The following SLCO1B3 variants were observed in gnomAD, a reference collection of about 807,000 sequenced individuals.
SLCO1B3 encodes the protein solute carrier organic anion transporter family member 1B3, also known as liver-specific organic anion transporter 2.
A neutral mutation model predicts 71.8 loss-of-function variants in SLCO1B3; 72 were observed. The observed-to-expected ratio is 1.00, with a 90% CI of 0.83 to 1.22. The LOEUF (loss-of-function observed/expected upper bound fraction) is 1.22. Ranked by LOEUF, SLCO1B3 falls within the 50% of genes most tolerant of loss-of-function variation. The probability of loss-of-function intolerance (pLI) is 0.00; values close to 1 mark genes in which losing one functional copy is unlikely to be tolerated. For synonymous variants in SLCO1B3, 298 were observed against 278.4 expected (o/e 1.07, Z -0.70); for missense variants, 911 against 819.7 (o/e 1.11, Z -1.36).
chr12:20,899,834 C>T (rs936969484), intron 14 of SLCO1B3, among the ~76,000 whole-genome samples: 1 of 152,112 alleles, frequency 6.6e-6, no homozygotes, highest in African/African-American at 2.4e-5. Flanking sequence ...TGTGAACATC[C>T]AATTTTGTTA....
Position 20,823,011 on chromosome 12 carries a change from A to G in SLCO1B3, c.84+7189A>G, listed in dbSNP as rs558005459. Among the ~76,000 whole-genome samples, 17 of 152,254 alleles carry G rather than the reference A, an allele frequency of 1.1e-4. No individual in the cohort carries two copies. The South Asian group carries it at 3.5e-3, about 32-fold the overall frequency. ...TGTGATGTTTTATTCCTAGACCAAT[A>G]GATCCCACGTTATTAGGAATGCTCA... is the stretch of plus-strand genomic sequence containing the variant. On this transcript the variant is annotated intron_variant, in intron 3 of 15. Transcript: ENST00000381545.
At chr12:20,884,269 A>G (rs927790719) in intron 13 of SLCO1B3, among the ~76,000 whole-genome samples, 3 of 152,194 alleles carry the variant, frequency 2.0e-5, no homozygotes, top group Non-Finnish European at 4.4e-5. Context: ...AAATAAACAC[A>G]TAATTACAAA....
At chr12:20,881,859 AC>A (rs1865701079) in intron 12 of SLCO1B3, among the ~76,000 whole-genome samples, 1 of 151,994 alleles carries the variant, frequency 6.6e-6, no homozygotes, top group Admixed American at 6.6e-5. Context: ...TGCGATTATG[AC>A]TCTCTACCAC....
At chr12:20,901,112 C>A (rs4149155) in intron 14 of SLCO1B3, among the ~76,000 whole-genome samples, 5,329 of 152,172 alleles carry the variant, frequency 0.035, 173 homozygotes, top group East Asian at 0.15. Flanking sequence ...AATACTCTTT[C>A]TTCCCTCTGT....
At chr12:20,825,538 G>T (rs1864402641) in intron 3 of SLCO1B3, among the ~76,000 whole-genome samples, 1 of 152,100 alleles carries the variant, frequency 6.6e-6, no homozygotes, top group Non-Finnish European at 1.5e-5. Context: ...GCTCATTCTT[G>T]TAATCCAGGT....
rs142754510 is a variant in SLCO1B3 at position 20,864,954 on chromosome 12, C to T, written c.727+2100C>T. 3.3e-4 allele frequency among the ~76,000 whole-genome samples: 50 copies of T among 152,178 alleles called. 1 individual carries two copies. The highest frequency in any genetic ancestry group is 2.9e-5 in the Non-Finnish European group (2 of 67,988). On this transcript the variant is annotated intron_variant, in intron 8 of 15. Transcript: ENST00000381545. The stretch of plus-strand genomic sequence containing the variant: ...CCCCATACACACTAAAACTCATGTG[C>T]TCCCCAGCTCTGGTCTATACTTTTC...
rs142709481 is a variant in SLCO1B3, at chr12:20,879,455, G to A, written c.1155G>A (p.Thr385=). Residue 385 remains threonine, a synonymous_variant, in exon 11 of 16, where the codon ACG becomes ACA. Coordinates refer to ENST00000381545, the MANE Select transcript of SLCO1B3 (RefSeq NM_019844.4). ...NFLLGIITIP[T]VATGMFLGGF... ...TTCTAGGAATCATAACCATTCCTAC[G>A]GTTGCAACTGGAATGTTTTTAGGAG... The A allele has an allele frequency of 1.9e-4, 308 of 1,599,810 alleles. 2 individuals are homozygous for A. The highest frequency in any genetic ancestry group is 3.3e-4 in the Middle Eastern group (2 of 5,978).
chr12:20,891,591 G>A lies in SLCO1B3; in HGVS notation c.1683-6845G>A, dbSNP rs184648893. ...TCTGTAGTAAGTCAGGGAAGTTTTT[G>A]GGAGTTATTCTTTCAAACAAGTTTC... On this transcript the variant is annotated intron_variant, in intron 13 of 15. Coordinates refer to ENST00000381545, the MANE Select transcript of SLCO1B3 (RefSeq NM_019844.4). Among the ~76,000 whole-genome samples the A allele has an allele frequency of 7.9e-5, 12 of 152,096 alleles. No homozygotes were observed. In the East Asian group the frequency reaches 1.7e-3, roughly 22 times the overall value.
At chr12:20,825,912 T>C (rs1864412426) in intron 3 of SLCO1B3, among the ~76,000 whole-genome samples, 1 of 151,674 alleles carries the variant, frequency 6.6e-6, no homozygotes, top group African/African-American at 2.4e-5. Flanking sequence ...ATTTTTAAAA[T>C]CTGTAAATCT....
intron 3 of SLCO1B3, among the ~76,000 whole-genome samples, chr12:20,834,071 A>T (rs994295880): frequency 8.1e-6 from 1 of 122,962 alleles, no homozygotes; most frequent in African/African-American, 2.6e-5. Flanking sequence ...TAAAAATATA[A>T]ATATATATAA....
chr12:20,886,677 G>A (rs995327523), intron 13 of SLCO1B3, among the ~76,000 whole-genome samples: 4 of 152,060 alleles, frequency 2.6e-5, no homozygotes, highest in Non-Finnish European at 5.9e-5. Flanking sequence ...ACTAGTGCAT[G>A]AAGATGGGAG....
At chr12:20,897,947 GT>G (rs1866048261) in intron 13 of SLCO1B3, among the ~76,000 whole-genome samples, 1 of 152,060 alleles carries the variant, frequency 6.6e-6, no homozygotes, top group Non-Finnish European at 1.5e-5. Flanking sequence ...ATACAGAAAA[GT>G]TTTTTGACCC....
At chr12:20,892,557 C>T (rs1301617365) in intron 13 of SLCO1B3, among the ~76,000 whole-genome samples, 2 of 152,022 alleles carry the variant, frequency 1.3e-5, no homozygotes, top group Non-Finnish European at 2.9e-5. Flanking sequence ...GAGTTTTTCT[C>T]TGTACAAGAA....
intron 13 of SLCO1B3, among the ~76,000 whole-genome samples, chr12:20,889,932 T>C (rs566958055): frequency 3.9e-5 from 6 of 152,102 alleles, no homozygotes; most frequent in Non-Finnish European, 8.8e-5. Flanking sequence ...TTTTTTTGTT[T>C]TTGGGGACAG....
chr12:20,879,559 T>C lies in SLCO1B3; in HGVS notation c.1259T>C (p.Leu420Ser). 6.2e-7 allele frequency: 1 copy of C among 1,613,088 alleles called. No homozygotes were observed. The highest frequency in any genetic ancestry group is 1.3e-5 in the African/African-American group (1 of 75,016). ...TTTCTTACTTCGATGATATCCTTCT[T>C]GTTTCAACTTCTATATTTCCCTCTA... ...FSFLTSMISFLFQLLYFPLIC... is the reference protein window; with the variant it reads ...FSFLTSMISFSFQLLYFPLIC... The change falls in exon 11 of 16, where the codon TTG (leucine) becomes TCG (serine). Residue 420 changes from leucine (L) to serine (S), a missense_variant. Transcript: ENST00000381545.
At position 20,883,285 on chromosome 12, in the gene SLCO1B3, C is replaced by G. The variant is rs1297673666; in HGVS notation, c.1498-133C>G. The G allele has an allele frequency of 1.2e-5, 6 of 506,446 alleles. No individual in the cohort carries two copies. In the African/African-American group the frequency reaches 1.2e-4, roughly 10 times the overall value. The allele number at this position is 506,446 out of a possible 1,614,324, so 31.4% of individuals were successfully genotyped here. On this transcript the variant is annotated intron_variant, in intron 12 of 15. Transcript: ENST00000381545. ...GAGCTATTTTGCCTTCACTATTAAG[C>G]AACTATATTTTTATAACATTTTTTA...
chr12:20,840,390 ATTTTTT>A (rs199898909), intron 3 of SLCO1B3, among the ~76,000 whole-genome samples: 29 of 141,006 alleles, frequency 2.1e-4, no homozygotes, highest in South Asian at 2.3e-4. Context: ...ATGCTTCTCA[ATTTTTT>A]TTTTTTTTTT....
At chr12:20,837,825 G>T (rs1211568517) in intron 3 of SLCO1B3, among the ~76,000 whole-genome samples, 2 of 152,060 alleles carry the variant, frequency 1.3e-5, no homozygotes, top group African/African-American at 4.8e-5. Context: ...GTAATATATA[G>T]ATGTTAATTA....
Position 20,909,251 on chromosome 12 carries a change from C to T in SLCO1B3, c.1866-6753C>T, listed in dbSNP as rs1446583829. ...CATGATCTCGGCTCACTGCAAGCTA[C>T]GCCTCCCAGGTTCACGCCATTCTTC... On this transcript the variant is annotated intron_variant, in intron 15 of 15. Transcript: ENST00000381545. Among the ~76,000 whole-genome samples, 7 of 148,726 alleles carry T rather than the reference C, an allele frequency of 4.7e-5. No homozygotes were observed. In the East Asian group the frequency reaches 6.0e-4, roughly 13 times the overall value.
Sources: gnomAD v4.1 joint callset for allele counts (sites outside exome capture counted in the v4.1 genomes callset) on GRCh38, gnomAD v4.1.1 for gene constraint, MANE v1.5 for transcripts, NCBI Gene and HGNC (gene_info 2026-07-23, HGNC 2026-07-21) for gene names.